ZNHIT3: variants seen among roughly 807,000 people sequenced by gnomAD.
ZNHIT3 encodes zinc finger HIT-type containing 3, also known as zinc finger HIT domain-containing protein 3.
Under a neutral mutation model 19.9 loss-of-function variants are expected in ZNHIT3, and 27 were observed. That is an observed-to-expected ratio of 1.36 (90% confidence interval 1.00 to 1.87). The LOEUF (loss-of-function observed/expected upper bound fraction) is 1.87, where lower values mean the gene tolerates loss of function less well. Among genes scored for constraint, ZNHIT3 ranks in the 40% most tolerant of loss-of-function variants. The pLI, the probability that ZNHIT3 is intolerant of heterozygous loss-of-function variation, is 0.00. For missense variants in ZNHIT3, 215 were observed against 185.6 expected, an observed-to-expected ratio of 1.16 and a Z score of -0.92; for synonymous variants, 81 against 65.7, an observed-to-expected ratio of 1.23 and a Z score of -1.13.
rs1452981886 is a variant in ZNHIT3, at chr17:36,493,963, TGAG to T, written c.246_248del (p.Glu84del). ...CTATAGCTGATTTTCTCAATAGTGA[TGAG>T]GAAGAAGACAGAGTTTCTTTGCAGA... On this transcript the variant is annotated inframe_deletion, in exon 4 of 5. Coordinates refer to ENST00000617429, the MANE Select transcript of ZNHIT3 (RefSeq NM_004773.4). 6.2e-7 allele frequency: 1 copy of T among 1,613,878 alleles called. No homozygotes were observed. The highest frequency in any genetic ancestry group is 8.5e-7 in the Non-Finnish European group (1 of 1,179,786).
chr17:36,494,006 GGTAA>G lies in ZNHIT3; in HGVS notation c.286+3_286+6del, dbSNP rs775146370. 13 of 1,608,468 alleles carry G rather than the reference GGTAA, an allele frequency of 8.1e-6. No individual in the cohort carries two copies. The highest frequency in any genetic ancestry group is 1.1e-5 in the Non-Finnish European group (13 of 1,175,222). ...TTCTTTGCAGAATTTAAAGAATTTA[GGTAA>G]GTCTGTGCTATGCTTGTCAATCGTT... On this transcript the variant is annotated splice_donor_variant and splice_donor_region_variant and intron_variant, in intron 4 of 4. Coordinates refer to ENST00000617429, the MANE Select transcript of ZNHIT3 (RefSeq NM_004773.4). LOFTEE classifies it high-confidence loss of function.
rs2070559910 is a variant in ZNHIT3 at position 36,486,729 on chromosome 17, C to T, written c.30C>T (p.Val10=). 2 of 1,613,952 alleles carry T rather than the reference C, an allele frequency of 1.2e-6. No homozygotes were observed. Among genetic ancestry groups the T allele is most frequent in the Non-Finnish European group, 1.7e-6 (2 of 1,179,932 alleles). The change falls in exon 1 of 5, where the codon GTC becomes GTT. Residue 10 remains valine (V), a synonymous_variant. Coordinates refer to ENST00000617429, the MANE Select transcript of ZNHIT3 (RefSeq NM_004773.4). MASLKCSTV[V]CVICLEKPKY... ...CGTCGCTCAAATGTAGCACCGTCGTCTGCGTGATCTGCTTGGAGAAGCCCA... is the reference window on the plus strand; with the variant it reads ...CGTCGCTCAAATGTAGCACCGTCGTTTGCGTGATCTGCTTGGAGAAGCCCA...
At chr17:36,492,639 T>G (rs2142535057) in intron 2 of ZNHIT3, 174 bp from the exon 3 acceptor site, 4 of 618,646 alleles carry the variant, frequency 6.5e-6, no homozygotes. Flanking sequence ...CTGCTGGCGG[T>G]TTTCCTTAAT....
Position 36,495,307 on chromosome 17 carries a change from C to G in ZNHIT3, c.371C>G (p.Ala124Gly). The change falls in exon 5 of 5, where the codon GCA (alanine) becomes GGA (glycine). Residue 124 changes from alanine (A) to glycine (G), a missense_variant. Physicochemically the swap from Ala to Gly is moderately conservative, Grantham distance 60. Transcript: ENST00000617429. The stretch of plus-strand genomic sequence containing the variant: ...AACCTCGATCAGGGAGAAGACAAAG[C>G]AAAGCTCATGAGAGCTTACATGCAA... ...MVNLDQGEDK[A>G]KLMRAYMQEP... is the part of the protein sequence containing the mutation. 1 of 1,613,874 alleles carries G rather than the reference C, an allele frequency of 6.2e-7. No individual in the cohort carries two copies. The highest frequency in any genetic ancestry group is 8.5e-7 in the Non-Finnish European group (1 of 1,179,988).
chr17:36,497,319 TG>T (rs1245952286), downstream of ZNHIT3, among the ~76,000 whole-genome samples: 1 of 133,908 alleles, frequency 7.5e-6, no homozygotes, highest in Non-Finnish European at 1.6e-5. Context: ...TTAAATAACA[TG>T]AAAAAAAAAA....
chr17:36,496,468 C>G, downstream of ZNHIT3: 3 of 1,541,906 alleles, frequency 1.9e-6, no homozygotes, highest in Non-Finnish European at 1.8e-6. Context: ...GGCCTAACAA[C>G]CCCACAGAGC....
At chr17:36,498,956 G>A (rs1167417339), downstream of ZNHIT3, 17 of 752,494 alleles carry the variant, frequency 2.3e-5, no homozygotes, top group Non-Finnish European at 3.1e-5. Flanking sequence ...GCTCAGAGAG[G>A]CTAAACAACC....
downstream of ZNHIT3, among the ~76,000 whole-genome samples, chr17:36,497,077 C>T (rs2071044401): frequency 6.6e-6 from 1 of 152,036 alleles, no homozygotes; most frequent in South Asian, 2.1e-4. Context: ...CACCTGTAAT[C>T]CCAGCACTTT....
intron 3 of ZNHIT3, 56 bp downstream of exon 3, chr17:36,492,955 A>AG (rs2070761983): frequency 6.6e-7 from 1 of 1,522,886 alleles, no homozygotes; most frequent in Admixed American, 1.7e-5. Context: ...AATAAGTCGA[A>AG]GGAAAAGGGG....
chr17:36,489,119 C>G (rs2070664431), intron 2 of ZNHIT3: 1 of 152,190 alleles, frequency 6.6e-6, no homozygotes, highest in African/African-American at 2.4e-5. Flanking sequence ...CATCCATGTT[C>G]CTGCAAGTGA....
At chr17:36,497,549 CCT>C (rs2071103180), downstream of ZNHIT3, 5 of 984,684 alleles carry the variant, frequency 5.1e-6, no homozygotes, top group Non-Finnish European at 6.0e-6. Context: ...GTGAATTTTT[CCT>C]CTTTTCTGTA....
Position 36,494,000 on chromosome 17 carries a change from A to C in ZNHIT3, c.280A>C (p.Asn94His). 6.2e-7 allele frequency: 1 copy of C among 1,610,134 alleles called. No individual in the cohort carries two copies. Among genetic ancestry groups the C allele is most frequent in the Non-Finnish European group, 8.5e-7 (1 of 1,176,490 alleles). ...CAGAGTTTCTTTGCAGAATTTAAAG[A>C]ATTTAGGTAAGTCTGTGCTATGCTT... ...EDRVSLQNLK[N>H]LGESATLRSL... The change falls in exon 4 of 5, where the codon AAT becomes CAT. Residue 94 changes from asparagine (N) to histidine (H), a missense_variant. Transcript: ENST00000617429.
At chr17:36,491,878 A>G (rs935425869) in intron 2 of ZNHIT3, 1 of 152,176 alleles carries the variant, frequency 6.6e-6, no homozygotes, top group African/African-American at 2.4e-5. Context: ...TGCCTCTGCT[A>G]CTTACTAGCT....
chr17:36,497,589 C>A, downstream of ZNHIT3: 1 of 818,464 alleles, frequency 1.2e-6, no homozygotes, highest in Non-Finnish European at 1.5e-6. Flanking sequence ...CTAAACCAAA[C>A]TTTTTTTTTT....
Position 36,495,302 on chromosome 17 carries a change from C to G in ZNHIT3, c.366C>G (p.Asp122Glu), listed in dbSNP as rs771133327. 2 of 1,613,830 alleles carry G rather than the reference C, an allele frequency of 1.2e-6. No homozygotes were observed. Among genetic ancestry groups the G allele is most frequent in the South Asian group, 2.2e-5 (2 of 91,000 alleles). ...QLMVNLDQGEDKAKLMRAYMQ... is the reference protein window; with the variant it reads ...QLMVNLDQGEEKAKLMRAYMQ... ...TGGTCAACCTCGATCAGGGAGAAGA[C>G]AAAGCAAAGCTCATGAGAGCTTACA... is the stretch of plus-strand genomic sequence containing the variant. The change falls in exon 5 of 5, where the codon GAC becomes GAG. Residue 122 changes from aspartate to glutamate, a missense_variant. Asp to Glu is a conservative substitution (Grantham distance 45). Coordinates refer to ENST00000617429, the MANE Select transcript of ZNHIT3 (RefSeq NM_004773.4).
chr17:36,492,595 C>A, intron 2 of ZNHIT3: 1 of 574,456 alleles, frequency 1.7e-6, no homozygotes, highest in Non-Finnish European at 3.1e-6. Flanking sequence ...GGGACAGGTT[C>A]TTGGGGTGCA....
At position 36,486,713 on chromosome 17, in the gene ZNHIT3, A is replaced by G. The variant is rs760072890; in HGVS notation, c.14A>G (p.Lys5Arg). The G allele has an allele frequency of 6.2e-7, 1 of 1,613,838 alleles. No individual in the cohort carries two copies. The highest frequency in any genetic ancestry group is 8.5e-7 in the Non-Finnish European group (1 of 1,179,892). MASL[K>R]CSTVVCVICL... is the part of the protein sequence containing the mutation. ...TTCCACAAAACCATGGCGTCGCTCAAATGTAGCACCGTCGTCTGCGTGATC... is the reference window on the plus strand; with the variant it reads ...TTCCACAAAACCATGGCGTCGCTCAGATGTAGCACCGTCGTCTGCGTGATC... The change falls in exon 1 of 5, where the codon AAA becomes AGA. Residue 5 changes from lysine (K) to arginine (R), a missense_variant. Physicochemically the swap from Lys to Arg is conservative, Grantham distance 26. Coordinates refer to ENST00000617429, the MANE Select transcript of ZNHIT3 (RefSeq NM_004773.4).
chr17:36,487,655 G>A (rs1723927601), intron 2 of ZNHIT3, among the ~76,000 whole-genome samples: 3 of 152,034 alleles, frequency 2.0e-5, no homozygotes. Flanking sequence ...TTAGGCGGGC[G>A]AGGTGCGCGC....
rs867412945 is a variant in ZNHIT3 at position 36,493,915 on chromosome 17, G to C, written c.206-11G>C. On this transcript the variant is annotated splice_polypyrimidine_tract_variant and intron_variant, in intron 3 of 4. Coordinates refer to ENST00000617429, the MANE Select transcript of ZNHIT3 (RefSeq NM_004773.4). ...TTAGCCATGAGCCATTGACTGTTTT[G>C]TATTCCTTAGATGATGATGACTCTA... The C allele has an allele frequency of 1.5e-5, 24 of 1,605,432 alleles. No individual in the cohort carries two copies. In the Middle Eastern group the frequency reaches 3.6e-3, roughly 243 times the overall value.
Sources: gnomAD v4.1 joint callset for allele counts (sites outside exome capture counted in the v4.1 genomes callset) on GRCh38, gnomAD v4.1.1 for gene constraint, MANE v1.5 for transcripts, NCBI Gene and HGNC (gene_info 2026-07-23, HGNC 2026-07-21) for gene names.